The following PMFBP1 variants were observed in gnomAD, a reference collection of about 807,000 sequenced individuals.
PMFBP1 encodes polyamine-modulated factor 1-binding protein 1.
Under a neutral mutation model 137.8 loss-of-function variants are expected in PMFBP1, and 131 were observed. The observed-to-expected ratio is 0.95, with a 90% confidence interval of 0.82 to 1.10. PMFBP1 has a LOEUF of 1.10. PMFBP1 is among the 50% of genes least tolerant of loss of function. PMFBP1 has a pLI of 0.00. For missense variants in PMFBP1, 1,199 were observed against 1,175.4 expected (o/e 1.02, Z -0.29); for synonymous variants, 490 against 450.4 (o/e 1.09, Z -1.11).
intron 17 of PMFBP1, 97 bp from the exon 18 acceptor site, chr16:72,123,746 A>T (rs557262745): frequency 9.0e-7 from 1 of 1,110,266 alleles, no homozygotes; most frequent in Non-Finnish European, 1.3e-6. Flanking sequence ...CTGGGAAAAG[A>T]AAACTTGACT....
chr16:72,228,738 G>T, the PMFBP1 span, among the ~76,000 whole-genome samples: 6 of 152,004 alleles, frequency 3.9e-5, no homozygotes, highest in Non-Finnish European at 8.8e-5. Context: ...TGGGTCAAAA[G>T]GATGACCACT....
chr16:72,175,225 G>T (rs184453961), upstream of PMFBP1, among the ~76,000 whole-genome samples: 264 of 152,298 alleles, frequency 1.7e-3, 2 homozygotes, highest in Middle Eastern at 0.034. Flanking sequence ...CCATCTCATA[G>T]ATCTCACCAG....
At chr16:72,124,272 A>T (rs2042419784) in intron 17 of PMFBP1, among the ~76,000 whole-genome samples, 1 of 152,182 alleles carries the variant, frequency 6.6e-6, no homozygotes, top group Non-Finnish European at 1.5e-5. Context: ...TGGCCTCCCA[A>T]AGTGTAGGGA....
the PMFBP1 span, among the ~76,000 whole-genome samples, chr16:72,249,919 G>T: frequency 7.8e-5 from 2 of 25,762 alleles, no homozygotes; most frequent in African/African-American, 3.1e-4. Context: ...AGACTCCATC[G>T]CAAAAAAAAA....
chr16:72,225,747 T>TAATAAA, the PMFBP1 span, among the ~76,000 whole-genome samples: 2 of 148,478 alleles, frequency 1.3e-5, no homozygotes, highest in Non-Finnish European at 3.0e-5. Context: ...ATAATAATAA[T>TAATAAA]AATAAAGCCT....
At chr16:72,200,254 T>A in the PMFBP1 span, among the ~76,000 whole-genome samples, 2 of 152,234 alleles carry the variant, frequency 1.3e-5, no homozygotes, top group Non-Finnish European at 2.9e-5. Flanking sequence ...CTGGCTAGGA[T>A]GGGGGAAGTA....
upstream of PMFBP1, among the ~76,000 whole-genome samples, chr16:72,178,062 T>C (rs2043264531): frequency 6.6e-6 from 1 of 152,110 alleles, no homozygotes; most frequent in Non-Finnish European, 1.5e-5. Context: ...TGGCTAATTT[T>C]TGTATTTTTT....
At chr16:72,207,027 G>C in the PMFBP1 span, among the ~76,000 whole-genome samples, 1 of 152,098 alleles carries the variant, frequency 6.6e-6, no homozygotes, top group Non-Finnish European at 1.5e-5. Context: ...TGTCTCGGTA[G>C]CCACCCTGGA....
intron 4 of PMFBP1, among the ~76,000 whole-genome samples, chr16:72,153,388 A>T (rs527302424): frequency 2.6e-5 from 4 of 151,844 alleles, no homozygotes; most frequent in East Asian, 1.9e-4. Flanking sequence ...ACTCTTTGAA[A>T]TTTTTTTTTC....
chr16:72,184,793 T>A, the PMFBP1 span, among the ~76,000 whole-genome samples: 6 of 152,166 alleles, frequency 3.9e-5, no homozygotes, highest in Non-Finnish European at 7.3e-5. Context: ...TCACTTCAAC[T>A]CCCAGACCCT....
intron 19 of PMFBP1, among the ~76,000 whole-genome samples, chr16:72,121,547 CTG>C (rs2042377412): frequency 6.6e-6 from 1 of 152,238 alleles, no homozygotes; most frequent in Non-Finnish European, 1.5e-5. Context: ...TTGGAGATGC[CTG>C]CCTGCCCTTG....
At chr16:72,139,443 C>A (rs376365311) in intron 6 of PMFBP1, 44 bp from the exon 7 acceptor site, 1 of 1,386,720 alleles carries the variant, frequency 7.2e-7, no homozygotes, top group African/African-American at 1.4e-5. Flanking sequence ...ATCAATGGAA[C>A]GTGCTTGTTA....
chr16:72,240,479 A>T, the PMFBP1 span, among the ~76,000 whole-genome samples: 1 of 152,254 alleles, frequency 6.6e-6, no homozygotes, highest in Admixed American at 6.5e-5. Context: ...CATTTTGTTA[A>T]GATAGATGTT....
In PMFBP1 at chr16:72,126,028, A is replaced by G. The variant is rs756658126; in HGVS notation, c.2193T>C (p.Tyr731=). ...CGGCTGACTTCCGGGATAATGCATC[A>G]TAGGCTTCTTTGGTGATGGTAGTCT... is the stretch of plus-strand genomic sequence containing the variant. ...YLQTTITKEA[Y]DALSRKSAAC... is the part of the protein sequence containing the mutation. The change falls in exon 15 of 21, where the codon TAT becomes TAC. Residue 731 remains tyrosine, a synonymous_variant. Transcript: ENST00000237353. 1.1e-5 allele frequency: 17 copies of G among 1,614,158 alleles called. 1 individual carries two copies. The South Asian group carries it at 1.8e-4, about 17-fold the overall frequency.
chr16:72,182,047 G>C, the PMFBP1 span, among the ~76,000 whole-genome samples: 5 of 152,188 alleles, frequency 3.3e-5, no homozygotes, highest in Admixed American at 6.5e-5. Context: ...GAGCTGTCTT[G>C]GGCTGCATGT....
Position 72,125,291 on chromosome 16 carries a change from G to C in PMFBP1, c.2368C>G (p.Leu790Val). 1 of 1,614,162 alleles carries C rather than the reference G, an allele frequency of 6.2e-7. No individual in the cohort carries two copies. The highest frequency in any genetic ancestry group is 8.5e-7 in the Non-Finnish European group (1 of 1,180,036). The change falls in exon 16 of 21, where the codon CTC becomes GTC. Residue 790 changes from leucine to valine, a missense_variant. Leu to Val is a conservative substitution (Grantham distance 32). Coordinates refer to ENST00000237353, the MANE Select transcript of PMFBP1 (RefSeq NM_031293.3). ...CGCAGTTTTCTTAATTCCGTATTGA[G>C]CTTTTTCATCCTTTCCTCATAAGCA... Reference protein sequence around the residue: ...IIAYEERMKKLNTELRKLRGF... With the variant: ...IIAYEERMKKVNTELRKLRGF...
chr16:72,228,837 CT>C, the PMFBP1 span, among the ~76,000 whole-genome samples: 42,312 of 135,498 alleles, frequency 0.31, 6,456 homozygotes, highest in African/African-American at 0.47. Context: ...TTATATATTA[CT>C]TTTTTTTTTT....
At chr16:72,162,103 T>C (rs1185810531) in intron 3 of PMFBP1, among the ~76,000 whole-genome samples, 1 of 152,220 alleles carries the variant, frequency 6.6e-6, no homozygotes, top group Non-Finnish European at 1.5e-5. Context: ...GATCATTTTA[T>C]TATGATGTCT....
At chr16:72,119,055 G>A, downstream of PMFBP1, 1 of 373,788 alleles carries the variant, frequency 2.7e-6, no homozygotes, top group East Asian at 4.5e-5. Context: ...GGGATTGCGG[G>A]GCAGAAATGT....
Sources: allele counts gnomAD v4.1 joint callset (sites outside exome capture counted in the v4.1 genomes callset), GRCh38; gene constraint gnomAD v4.1.1; transcripts MANE v1.5; gene names NCBI Gene and HGNC (gene_info 2026-07-23, HGNC 2026-07-21).